FAM135A: variants seen among roughly 807,000 people sequenced by gnomAD.
FAM135A encodes the protein protein FAM135A.
FAM135A carries 79 observed loss-of-function variants against 146.8 expected under a neutral mutation model. The observed-to-expected ratio is 0.54, with a 90% CI of 0.45 to 0.65. The LOEUF (loss-of-function observed/expected upper bound fraction) is 0.65, where lower values mean the gene tolerates loss of function less well. Among genes scored for constraint, FAM135A ranks in the 30% least tolerant of loss-of-function variants. FAM135A has a pLI of 0.00. For missense variants in FAM135A, 1,623 were observed against 1,758.2 expected, an observed-to-expected ratio of 0.92 and a Z score of 1.38; for synonymous variants, 562 against 603.6, an observed-to-expected ratio of 0.93 and a Z score of 1.01.
chr6:70,517,267 A>G (rs977522329), intron 12 of FAM135A, among the ~76,000 whole-genome samples: 5 of 152,176 alleles, frequency 3.3e-5, no homozygotes, highest in Non-Finnish European at 7.4e-5. Context: ...ATGGTGGCTT[A>G]TGCCAATAAT....
intron 16 of FAM135A, among the ~76,000 whole-genome samples, chr6:70,531,369 C>T (rs939837362): frequency 3.3e-5 from 5 of 152,150 alleles, no homozygotes; most frequent in Admixed American, 2.0e-4. Context: ...ACTGGTAAAG[C>T]CATGTTTCAT....
At chr6:70,420,216 CAT>C (rs777646588) in intron 2 of FAM135A, among the ~76,000 whole-genome samples, 1 of 152,182 alleles carries the variant, frequency 6.6e-6, no homozygotes, top group Non-Finnish European at 1.5e-5. Flanking sequence ...GGAGAAAGAA[CAT>C]CCTCAGGGCA....
chr6:70,481,185 G>T (rs1314432521), intron 9 of FAM135A, among the ~76,000 whole-genome samples, 158 bp downstream of exon 9: 1 of 152,026 alleles, frequency 6.6e-6, no homozygotes, highest in East Asian at 1.9e-4. Context: ...GGTTCTAATT[G>T]TCTATTATGA....
rs552148479 is a variant in FAM135A at position 70,424,827 on chromosome 6, G to A, written c.-133-1612G>A. 3.3e-5 allele frequency among the ~76,000 whole-genome samples: 5 copies of A among 152,164 alleles called. No individual in the cohort carries two copies. In the South Asian group the frequency reaches 8.3e-4, roughly 25 times the overall value. Reference sequence around the variant, plus strand: ...ATGGGCACTAGTTTTGCAGATTATTGTAGGCAACAGTTTAATCAATTGTTT... The same window carrying A: ...ATGGGCACTAGTTTTGCAGATTATTATAGGCAACAGTTTAATCAATTGTTT... On this transcript the variant is annotated intron_variant, in intron 2 of 21. Transcript: ENST00000418814.
intron 4 of FAM135A, among the ~76,000 whole-genome samples, chr6:70,433,100 G>C (rs1772067848): frequency 1.4e-5 from 2 of 146,594 alleles, no homozygotes; most frequent in Middle Eastern, 7.0e-3. Context: ...TTTTAAGACA[G>C]TCTTTGCTCT....
intron 20 of FAM135A, among the ~76,000 whole-genome samples, chr6:70,548,933 TA>T (rs1168396399): frequency 2.0e-5 from 3 of 151,864 alleles, no homozygotes; most frequent in African/African-American, 4.8e-5. Flanking sequence ...AATTAAAAAT[TA>T]AAAAATATAT....
intron 4 of FAM135A, among the ~76,000 whole-genome samples, chr6:70,431,005 T>C (rs1771461873): frequency 3.3e-5 from 5 of 152,178 alleles, no homozygotes; most frequent in Admixed American, 2.0e-4. Flanking sequence ...TCCAGGTTAG[T>C]GTAAGATAGC....
intron 2 of FAM135A, among the ~76,000 whole-genome samples, chr6:70,425,025 T>A (rs943903120): frequency 4.0e-5 from 6 of 151,156 alleles, no homozygotes; most frequent in African/African-American, 1.5e-4. Flanking sequence ...GTGGTATGGG[T>A]GCTATCTGGA....
chr6:70,468,883 C>A (rs773542939), intron 5 of FAM135A, among the ~76,000 whole-genome samples: 31 of 152,138 alleles, frequency 2.0e-4, no homozygotes, highest in Non-Finnish European at 3.7e-4. Flanking sequence ...AGAGAATAAA[C>A]TTCCAGACTT....
At chr6:70,439,899 C>G (rs1774074979) in intron 4 of FAM135A, among the ~76,000 whole-genome samples, 1 of 152,188 alleles carries the variant, frequency 6.6e-6, no homozygotes, top group African/African-American at 2.4e-5. Context: ...TTCCCCCCAG[C>G]TGTTTTTTCA....
intron 20 of FAM135A, among the ~76,000 whole-genome samples, chr6:70,539,865 G>A (rs1385542787): frequency 2.0e-5 from 3 of 152,084 alleles, no homozygotes; most frequent in Non-Finnish European, 4.4e-5. Context: ...GCGTGGTGGT[G>A]GGCACCTGTA....
intron 8 of FAM135A, among the ~76,000 whole-genome samples, chr6:70,479,467 A>G (rs746379787): frequency 6.6e-6 from 1 of 152,192 alleles, no homozygotes; most frequent in African/African-American, 2.4e-5. Context: ...TCTAGCTGCC[A>G]TGGGCCCTTA....
At chr6:70,510,776 A>G (rs1480955251) in intron 12 of FAM135A, among the ~76,000 whole-genome samples, 1 of 152,058 alleles carries the variant, frequency 6.6e-6, no homozygotes, top group Non-Finnish European at 1.5e-5. Context: ...TATTTGGGGT[A>G]TATACCTAGG....
intron 4 of FAM135A, among the ~76,000 whole-genome samples, chr6:70,443,088 G>A (rs921303684): frequency 1.3e-5 from 2 of 152,174 alleles, no homozygotes; most frequent in African/African-American, 4.8e-5. Flanking sequence ...AAGGGTAAAT[G>A]ACACTTGTTT....
chr6:70,460,882 G>C (rs926403401), intron 5 of FAM135A, among the ~76,000 whole-genome samples: 5 of 149,384 alleles, frequency 3.3e-5, no homozygotes, highest in African/African-American at 1.2e-4. Context: ...CTCTCACAAT[G>C]GTGGGATCTC....
intron 20 of FAM135A, among the ~76,000 whole-genome samples, chr6:70,555,005 T>C (rs1251598669): frequency 1.3e-5 from 2 of 152,192 alleles, no homozygotes; most frequent in Admixed American, 6.5e-5. Flanking sequence ...TTATAGGAAA[T>C]GTGTGCCATA....
intron 21 of FAM135A, 82 bp from the exon 22 acceptor site, chr6:70,559,634 A>AAGTTAT: frequency 8.6e-7 from 1 of 1,158,438 alleles, no homozygotes; most frequent in African/African-American, 1.6e-5. Flanking sequence ...TAAATTTTAT[A>AAGTTAT]ACTTATCTAA....
chr6:70,497,651 AT>A (rs1443916949), intron 11 of FAM135A, among the ~76,000 whole-genome samples: 1 of 152,154 alleles, frequency 6.6e-6, no homozygotes, highest in African/African-American at 2.4e-5. Context: ...AATAGCTCTT[AT>A]TATTTTGAGA....
chr6:70,491,185 T>C, intron 11 of FAM135A, 102 bp downstream of exon 11: 1 of 945,930 alleles, frequency 1.1e-6, no homozygotes, highest in Non-Finnish European at 1.6e-6. Context: ...TTATAGTTCC[T>C]AAAATGCAAA....
Sources: gnomAD v4.1 joint callset for allele counts (sites outside exome capture counted in the v4.1 genomes callset) on GRCh38, gnomAD v4.1.1 for gene constraint, MANE v1.5 for transcripts, NCBI Gene and HGNC (gene_info 2026-07-23, HGNC 2026-07-21) for gene names.